The following KCND3 variants were observed in gnomAD, a reference collection of about 807,000 sequenced individuals.
The protein encoded by KCND3 is potassium voltage-gated channel subfamily D member 3, also known as A-type voltage-gated potassium channel KCND3.
Under a neutral mutation model 51.1 loss-of-function variants are expected in KCND3, and 9 were observed. The ratio of observed to expected loss-of-function variants is 0.18; its 90% CI spans 0.11 to 0.31. KCND3 has a LOEUF of 0.31. Among genes scored for constraint, KCND3 ranks in the 10% least tolerant of loss-of-function variants. The pLI is 1.00. For missense variants in KCND3, 526 were observed against 903.8 expected, an observed-to-expected ratio of 0.58 and a Z score of 5.36; for synonymous variants, 349 against 368.0, an observed-to-expected ratio of 0.95 and a Z score of 0.59.
chr1:111,775,971 C>T lies in KCND3; in HGVS notation c.*106G>A, dbSNP rs951960435. ...AGTGCTAGGGGTACAATGGGGCAGGCAGAAATAGTGGGGAAAGGGGGGAGG... is the reference window on the plus strand; with the variant it reads ...AGTGCTAGGGGTACAATGGGGCAGGTAGAAATAGTGGGGAAAGGGGGGAGG... On this transcript the variant is annotated 3_prime_UTR_variant, in exon 8 of 8. Coordinates refer to ENST00000302127, the MANE Select transcript of KCND3 (RefSeq NM_001378969.1). 5 of 1,270,880 alleles carry T rather than the reference C, an allele frequency of 3.9e-6. No homozygotes were observed. In the African/African-American group the frequency reaches 7.4e-5, roughly 19 times the overall value. The allele number at this position is 1,270,880 out of a possible 1,614,324, so 78.7% of individuals were successfully genotyped here.
At chr1:111,989,326 G>C (rs1223542961) in intron 1 of KCND3, among the ~76,000 whole-genome samples, 179 bp downstream of exon 1, 1 of 151,098 alleles carries the variant, frequency 6.6e-6, no homozygotes, top group Non-Finnish European at 1.5e-5. Flanking sequence ...CGACGCCCCC[G>C]GGCCGGCTGT....
intron 2 of KCND3, among the ~76,000 whole-genome samples, chr1:111,887,155 G>A (rs959969340): frequency 2.0e-5 from 3 of 152,142 alleles, no homozygotes; most frequent in African/African-American, 2.4e-5. Flanking sequence ...GGTGAGTGCC[G>A]AGGAGAAACG....
chr1:111,791,339 C>T (rs1448797274), intron 2 of KCND3, among the ~76,000 whole-genome samples: 1 of 152,242 alleles, frequency 6.6e-6, no homozygotes, highest in Non-Finnish European at 1.5e-5. Context: ...CCAGATCAGT[C>T]TCTTTCAAAG....
chr1:111,971,869 G>A (rs542891161), intron 2 of KCND3, among the ~76,000 whole-genome samples: 11 of 152,084 alleles, frequency 7.2e-5, no homozygotes, highest in Admixed American at 2.0e-4. Flanking sequence ...TCTCTTCCGG[G>A]GTGTCATTCC....
chr1:111,770,956 C>G lies in KCND3; in HGVS notation c.*5121G>C, dbSNP rs1663891513. On this transcript the variant is annotated 3_prime_UTR_variant, in exon 8 of 8. Coordinates refer to ENST00000302127, the MANE Select transcript of KCND3 (RefSeq NM_001378969.1). The stretch of plus-strand genomic sequence containing the variant: ...ACACACTTGATGTATCTCACGATGA[C>G]ATTAATGGGGGGAAGGGTGTGACCT... The G allele has an allele frequency of 6.6e-6, 1 of 152,082 alleles. No homozygotes were observed. The highest frequency in any genetic ancestry group is 1.5e-5 in the Non-Finnish European group (1 of 68,010). 9.4% of individuals were successfully genotyped at this position (152,082 alleles called of 1,614,324 possible).
At chr1:111,831,054 A>G (rs1666811120) in intron 2 of KCND3, among the ~76,000 whole-genome samples, 1 of 152,260 alleles carries the variant, frequency 6.6e-6, no homozygotes, top group African/African-American at 2.4e-5. Flanking sequence ...TGGATGCCTC[A>G]GGCAGCACCC....
rs145784436 is a variant in KCND3, at chr1:111,981,986, C to A, written c.741G>T (p.Ala247=). 1 of 1,613,922 alleles carries A rather than the reference C, an allele frequency of 6.2e-7. No individual in the cohort carries two copies. The highest frequency in any genetic ancestry group is 1.1e-5 in the South Asian group (1 of 91,056). The stretch of plus-strand genomic sequence containing the variant: ...GGATGAAGCGGTAGCGGCTGGGAGC[C>A]GCGAAGAGCCGCAGGAGGTACTCCA... ...FTVEYLLRLF[A]APSRYRFIRS... The change falls in exon 2 of 8, where the codon GCG becomes GCT. Residue 247 remains alanine (A), a synonymous_variant. Coordinates refer to ENST00000302127, the MANE Select transcript of KCND3 (RefSeq NM_001378969.1). This position sits in a 1 kb window ranked among gnomAD's most constrained non-coding sequence, Gnocchi z 6.2.
intron 1 of KCND3, among the ~76,000 whole-genome samples, chr1:111,984,164 A>T (rs896407648): frequency 6.6e-6 from 1 of 152,058 alleles, no homozygotes; most frequent in East Asian, 1.9e-4. Flanking sequence ...GTCTTGGAAA[A>T]TTTTTTCTGT....
chr1:111,838,200 C>T (rs1359000912), intron 2 of KCND3, among the ~76,000 whole-genome samples: 1 of 152,204 alleles, frequency 6.6e-6, no homozygotes, highest in African/African-American at 2.4e-5. Context: ...GGTGGGACAT[C>T]TATATAAAAT....
At chr1:111,860,711 C>T (rs1295375071) in intron 2 of KCND3, among the ~76,000 whole-genome samples, 1 of 152,156 alleles carries the variant, frequency 6.6e-6, no homozygotes, top group African/African-American at 2.4e-5. Context: ...GGAGGTGACC[C>T]CTGTTCTGTC....
chr1:111,955,181 C>T lies in KCND3; in HGVS notation c.1106+26440G>A, dbSNP rs752793539. On this transcript the variant is annotated intron_variant, in intron 2 of 7. Coordinates refer to ENST00000302127, the MANE Select transcript of KCND3 (RefSeq NM_001378969.1). ...CTCACCACTTTGGGAGGCCAAGGCA[C>T]GAGAATCGCTTAAGCCTAGGAGTTG... 3.9e-5 allele frequency among the ~76,000 whole-genome samples: 6 copies of T among 152,188 alleles called. No individual in the cohort carries two copies. The East Asian group carries it at 5.8e-4, about 15-fold the overall frequency.
intron 2 of KCND3, among the ~76,000 whole-genome samples, chr1:111,898,646 G>C (rs1670240334): frequency 6.6e-6 from 1 of 152,198 alleles, no homozygotes; most frequent in African/African-American, 2.4e-5. Flanking sequence ...GTTATTTACT[G>C]AGTGTGTGCT....
intron 2 of KCND3, among the ~76,000 whole-genome samples, chr1:111,826,220 T>G (rs1186383045): frequency 2.0e-5 from 3 of 152,246 alleles, no homozygotes; most frequent in Admixed American, 2.0e-4. Flanking sequence ...TATTAACAAT[T>G]TATCCAATAT....
chr1:111,910,709 A>G (rs9308243), intron 2 of KCND3: 147,342 of 152,326 alleles, frequency 0.97, 71,271 homozygotes, highest in East Asian at 0.99. Context: ...GGGTTGTGGT[A>G]CAAAGGAGTG....
At chr1:111,819,704 G>A (rs1217978201) in intron 2 of KCND3, among the ~76,000 whole-genome samples, 1 of 152,132 alleles carries the variant, frequency 6.6e-6, no homozygotes, top group Non-Finnish European at 1.5e-5. Context: ...CAGCTCACAG[G>A]CCTGCTTGTG....
rs541412084 is a variant in KCND3 at position 111,835,660 on chromosome 1, T to C, written c.1107-48554A>G. 6.6e-5 allele frequency among the ~76,000 whole-genome samples: 10 copies of C among 152,332 alleles called. No homozygotes were observed. In the South Asian group the frequency reaches 2.1e-3, roughly 32 times the overall value. ...ATGCCATGACAGTTAAGAAATGCCA[T>C]GGCAACATCCGGAAGTTACCTTATA... On this transcript the variant is annotated intron_variant, in intron 2 of 7. Coordinates refer to ENST00000302127, the MANE Select transcript of KCND3 (RefSeq NM_001378969.1).
intron 2 of KCND3, among the ~76,000 whole-genome samples, chr1:111,977,400 A>G (rs1674691932): frequency 6.6e-6 from 1 of 152,164 alleles, no homozygotes; most frequent in Admixed American, 6.5e-5. Context: ...TTTAAAGTGA[A>G]ATGCAAATCA....
intron 2 of KCND3, among the ~76,000 whole-genome samples, chr1:111,822,386 C>T (rs746262740): frequency 2.0e-4 from 31 of 152,120 alleles, no homozygotes; most frequent in African/African-American, 4.1e-4. Flanking sequence ...CTTGCCCCGC[C>T]GGTAACCATA....
At chr1:111,953,519 T>A (rs1056051765) in intron 2 of KCND3, among the ~76,000 whole-genome samples, 8 of 152,228 alleles carry the variant, frequency 5.3e-5, no homozygotes, top group Non-Finnish European at 1.2e-4. Context: ...AAGTGTTTCT[T>A]GTGAACCTGG....
Sources: gnomAD v4.1 joint callset for allele counts (sites outside exome capture counted in the v4.1 genomes callset) on GRCh38, gnomAD v4.1.1 for gene constraint, Gnocchi (gnomAD v3.1) non-coding constraint, MANE v1.5 for transcripts, NCBI Gene and HGNC (gene_info 2026-07-23, HGNC 2026-07-21) for gene names.